Variants in LMNTD1 observed in about 807,000 individuals in gnomAD.
LMNTD1 encodes the protein lamin tail domain-containing protein 1.
Under a neutral mutation model 50.9 loss-of-function variants are expected in LMNTD1, and 35 were observed. The ratio of observed to expected loss-of-function variants is 0.69; its 90% CI spans 0.53 to 0.91. The LOEUF (loss-of-function observed/expected upper bound fraction) is 0.91. Ranked by LOEUF, LMNTD1 falls within the 40% of genes least tolerant of loss-of-function variation. The pLI is 0.00. For missense variants in LMNTD1, 470 were observed against 475.5 expected (o/e 0.99, Z 0.11); for synonymous variants, 153 against 161.9 (o/e 0.94, Z 0.42).
chr12:25,595,839 T>C (rs1945832901), intron 1 of LMNTD1, among the ~76,000 whole-genome samples: 1 of 152,126 alleles, frequency 6.6e-6, no homozygotes, highest in Non-Finnish European at 1.5e-5. Context: ...GATAGATCAT[T>C]AGCAAGATTA....
At chr12:25,577,042 T>C (rs1298676698) in intron 1 of LMNTD1, among the ~76,000 whole-genome samples, 1 of 152,214 alleles carries the variant, frequency 6.6e-6, no homozygotes, top group Non-Finnish European at 1.5e-5. Context: ...TTCTGTTCCA[T>C]TGGTCTATAT....
At chr12:25,531,700 ATCT>A (rs528460857) in intron 4 of LMNTD1, among the ~76,000 whole-genome samples, 185 of 152,080 alleles carry the variant, frequency 1.2e-3, no homozygotes, top group African/African-American at 3.9e-3. Flanking sequence ...GTCTGGGAAA[ATCT>A]TCTTCTGTGT....
intron 1 of LMNTD1, among the ~76,000 whole-genome samples, chr12:25,623,577 A>C (rs1946523370): frequency 6.8e-6 from 1 of 147,252 alleles, no homozygotes; most frequent in South Asian, 2.2e-4. Context: ...AAAAAAAAAA[A>C]AAAAGGAGAG....
intron 4 of LMNTD1, among the ~76,000 whole-genome samples, chr12:25,537,144 TG>T: frequency 6.6e-6 from 1 of 152,096 alleles, no homozygotes; most frequent in Non-Finnish European, 1.5e-5. Flanking sequence ...GCAGCGAGGC[TG>T]GGGGAGGGGC....
Position 25,519,907 on chromosome 12 carries a change from T to C in LMNTD1, c.967A>G (p.Lys323Glu), listed in dbSNP as rs1259535479. 7 of 1,612,558 alleles carry C rather than the reference T, an allele frequency of 4.3e-6. No homozygotes were observed. The highest frequency in any genetic ancestry group is 5.9e-6 in the Non-Finnish European group (7 of 1,179,468). ...ITKEKQDQPK[K>E]DISNYQVEQA... ...TCCACCTGATAATTTGAGATATCTT[T>C]CTTAGGTTGATCTTGTTTTTCTTTA... is the stretch of plus-strand genomic sequence containing the variant. The change falls in exon 7 of 10, where the codon AAA (lysine) becomes GAA (glutamate). Residue 323 changes from lysine (K) to glutamate (E), a missense_variant. Transcript: ENST00000458174.
intron 1 of LMNTD1, among the ~76,000 whole-genome samples, chr12:25,610,965 T>C (rs535001433): frequency 6.6e-6 from 1 of 152,196 alleles, no homozygotes; most frequent in Admixed American, 6.5e-5. Context: ...GGGTGAGAGA[T>C]TCTCAAGTAA....
chr12:25,488,939 C>T (rs1201576659), intron 9 of LMNTD1, among the ~76,000 whole-genome samples: 4 of 152,290 alleles, frequency 2.6e-5, no homozygotes, highest in South Asian at 2.1e-4. Flanking sequence ...TTAGGCTGCT[C>T]GGGGGTCAGG....
At position 25,504,605 on chromosome 12, in the gene LMNTD1, C is replaced by T. The variant is rs114515367; in HGVS notation, c.1190-805G>A. 3.4e-3 allele frequency among the ~76,000 whole-genome samples: 519 copies of T among 152,302 alleles called. 5 individuals are homozygous for T. The highest frequency in any genetic ancestry group is 0.011 in the African/African-American group (467 of 41,580). ...ACAAAATAAAACAGGAAAATATCCTCAGTCATACCTAAGCCTTTCTTTTTC... is the reference window on the plus strand; with the variant it reads ...ACAAAATAAAACAGGAAAATATCCTTAGTCATACCTAAGCCTTTCTTTTTC... On this transcript the variant is annotated intron_variant, in intron 8 of 9. Coordinates refer to ENST00000458174, the MANE Select transcript of LMNTD1 (RefSeq NM_001145728.2).
At chr12:25,488,730 T>A (rs1938760475) in intron 9 of LMNTD1, among the ~76,000 whole-genome samples, 2 of 152,246 alleles carry the variant, frequency 1.3e-5, no homozygotes, top group Admixed American at 1.3e-4. Flanking sequence ...AGTTTCCAGT[T>A]TTTCTGTTCT....
chr12:25,499,415 T>C lies in LMNTD1; in HGVS notation c.*22+4323A>G, dbSNP rs58406137. On this transcript the variant is annotated intron_variant, in intron 9 of 9. Coordinates refer to ENST00000458174, the MANE Select transcript of LMNTD1 (RefSeq NM_001145728.2). Reference sequence around the variant, plus strand: ...GGTGAAAGGATTATTCATTTTTTTTTCCCTGTGAACTCAACTCTGTAATGT... The same window carrying C: ...GGTGAAAGGATTATTCATTTTTTTTCCCCTGTGAACTCAACTCTGTAATGT... 5.3e-4 allele frequency among the ~76,000 whole-genome samples: 80 copies of C among 152,300 alleles called. No individual in the cohort carries two copies. In the East Asian group the frequency reaches 5.8e-3, roughly 11 times the overall value.
intron 8 of LMNTD1, among the ~76,000 whole-genome samples, chr12:25,511,121 G>A (rs1453193469): frequency 6.6e-6 from 1 of 152,148 alleles, no homozygotes; most frequent in Non-Finnish European, 1.5e-5. Flanking sequence ...GTCAGGGTGT[G>A]TTTGAAGAAC....
rs377014202 is a variant in LMNTD1 at position 25,536,969 on chromosome 12, C to T, written c.491+9405G>A. Among the ~76,000 whole-genome samples, 27 of 152,362 alleles carry T rather than the reference C, an allele frequency of 1.8e-4. No individual in the cohort carries two copies. In the East Asian group the frequency reaches 2.1e-3, roughly 12 times the overall value. On this transcript the variant is annotated intron_variant, in intron 4 of 9. Coordinates refer to ENST00000458174, the MANE Select transcript of LMNTD1 (RefSeq NM_001145728.2). ...CCTAATCAAAGAAAGGGGTGACAGA[C>T]GGCACCTGGAAAATCGGGTCACTCC...
chr12:25,495,986 TGATG>T (rs1386592812), intron 9 of LMNTD1, among the ~76,000 whole-genome samples: 2 of 152,216 alleles, frequency 1.3e-5, no homozygotes, highest in Non-Finnish European at 2.9e-5. Flanking sequence ...GATGCTTTAT[TGATG>T]AAGATCAATG....
intron 1 of LMNTD1, among the ~76,000 whole-genome samples, chr12:25,605,795 C>T (rs1397595168): frequency 6.6e-6 from 1 of 152,072 alleles, no homozygotes; most frequent in Admixed American, 6.6e-5. Flanking sequence ...CAGCTTTGTT[C>T]TTTTGGCTTA....
chr12:25,527,004 C>CT, intron 4 of LMNTD1, 49 bp from the exon 5 acceptor site: 1 of 1,292,334 alleles, frequency 7.7e-7, no homozygotes, highest in East Asian at 2.5e-5. Flanking sequence ...ATAGGAGTGT[C>CT]TTTGACTCAC....
chr12:25,562,872 T>C (rs932130678), intron 1 of LMNTD1, among the ~76,000 whole-genome samples: 1 of 152,220 alleles, frequency 6.6e-6, no homozygotes, highest in Non-Finnish European at 1.5e-5. Flanking sequence ...TCTTCTCCCT[T>C]CATTTCATTC....
intron 1 of LMNTD1, among the ~76,000 whole-genome samples, chr12:25,630,964 G>A (rs1246114590): frequency 6.6e-6 from 1 of 152,176 alleles, no homozygotes; most frequent in Non-Finnish European, 1.5e-5. Context: ...TCTTAGTCGG[G>A]GCAGAGTGGG....
intron 1 of LMNTD1, among the ~76,000 whole-genome samples, chr12:25,606,807 T>C (rs1319828812): frequency 6.6e-6 from 1 of 152,170 alleles, no homozygotes; most frequent in African/African-American, 2.4e-5. Flanking sequence ...TTTTGTTGTG[T>C]CTCTGCCAGG....
At chr12:25,500,741 C>T (rs1408391871) in intron 9 of LMNTD1, among the ~76,000 whole-genome samples, 1 of 152,122 alleles carries the variant, frequency 6.6e-6, no homozygotes, top group African/African-American at 2.4e-5. Flanking sequence ...AGGAAAATTA[C>T]CTGGCCTTTC....
Sources: gnomAD v4.1 joint callset for allele counts (sites outside exome capture counted in the v4.1 genomes callset) on GRCh38, gnomAD v4.1.1 for gene constraint, MANE v1.5 for transcripts, NCBI Gene and HGNC (gene_info 2026-07-23, HGNC 2026-07-21) for gene names.